FAH: variants seen among roughly 807,000 people sequenced by gnomAD.
FAH encodes fumarylacetoacetase.
FAH carries 47 observed loss-of-function variants against 55.8 expected under a neutral mutation model. The observed-to-expected ratio is 0.84, with a 90% CI of 0.67 to 1.07. FAH has a LOEUF of 1.07. Ranked by LOEUF, FAH falls within the 50% of genes least tolerant of loss-of-function variation. The pLI is 0.00. For synonymous variants in FAH, 199 were observed against 207.7 expected (o/e 0.96, Z 0.36); for missense variants, 495 against 545.9 (o/e 0.91, Z 0.93).
chr15:80,153,226 T>C (rs1475474839), intron 1 of FAH, 91 bp downstream of exon 1: 4 of 1,071,110 alleles, frequency 3.7e-6, no homozygotes, highest in Non-Finnish European at 5.7e-6. Context: ...TGGAGTGGAA[T>C]GAGGGGCGGG....
chr15:80,162,122 C>A, intron 4 of FAH, 124 bp from the exon 5 acceptor site: 1 of 788,088 alleles, frequency 1.3e-6, no homozygotes, highest in Non-Finnish European at 2.3e-6. Flanking sequence ...TTGCTGGCTG[C>A]AGGCTGAGCT....
intron 5 of FAH, among the ~76,000 whole-genome samples, chr15:80,165,151 G>A (rs1232350216): frequency 2.0e-5 from 3 of 152,220 alleles, no homozygotes; most frequent in Non-Finnish European, 4.4e-5. Context: ...CCAGCACTTT[G>A]GGAGGCTGAG....
At chr15:80,160,056 G>A in intron 3 of FAH, 179 bp downstream of exon 3, 1 of 885,782 alleles carries the variant, frequency 1.1e-6, no homozygotes. Flanking sequence ...GGAGGACTGG[G>A]ATTGCCTTGG....
chr15:80,172,867 C>T, intron 8 of FAH, 147 bp from the exon 9 acceptor site: 1 of 1,086,006 alleles, frequency 9.2e-7, no homozygotes, highest in Admixed American at 1.7e-5. Context: ...GCTCTTGCCC[C>T]TTTGTCCTGG....
chr15:80,174,897 G>T (rs963984540), intron 9 of FAH, 119 bp from the exon 10 acceptor site: 7 of 800,992 alleles, frequency 8.7e-6, no homozygotes, highest in East Asian at 2.4e-5. Flanking sequence ...TGCTCCTGCT[G>T]TCTCAGACCC....
At chr15:80,171,927 G>A (rs2041244333) in intron 7 of FAH, among the ~76,000 whole-genome samples, 1 of 152,202 alleles carries the variant, frequency 6.6e-6, no homozygotes, top group Non-Finnish European at 1.5e-5. Context: ...CAGGGGAGTG[G>A]AAGGAAGGCC....
chr15:80,178,052 TA>T (rs2041298620), intron 11 of FAH, among the ~76,000 whole-genome samples: 1 of 152,008 alleles, frequency 6.6e-6, no homozygotes, highest in Admixed American at 6.6e-5. Context: ...GTAAAAAAAT[TA>T]GCCGGGCGTG....
At chr15:80,177,415 C>T (rs2041292980) in intron 10 of FAH, 122 bp from the exon 11 acceptor site, 1 of 935,324 alleles carries the variant, frequency 1.1e-6, no homozygotes, top group Non-Finnish European at 1.7e-6. Flanking sequence ...AATTGTTTCA[C>T]AGACTCTAAG....
At chr15:80,186,390 G>A, downstream of FAH, 1 of 678,238 alleles carries the variant, frequency 1.5e-6, no homozygotes, top group Non-Finnish European at 2.7e-6. Context: ...TTGATCCAGT[G>A]GGTCAAGGTG....
chr15:80,180,938 G>T, intron 12 of FAH, 104 bp from the exon 13 acceptor site: 2 of 883,258 alleles, frequency 2.3e-6, no homozygotes, highest in Admixed American at 1.8e-5. Context: ...GGGCATGAGG[G>T]CCCCCTGCCA....
rs769303398 is a variant in FAH at position 80,173,115 on chromosome 15, A to C, written c.808A>C (p.Met270Leu). The change falls in exon 9 of 14, where the codon ATG becomes CTG. Residue 270 changes from methionine (M) to leucine (L), a missense_variant. Transcript: ENST00000561421. ...GTGGGTGGTGCCCATGGATGCTCTCATGCCCTTTGCTGTGCCCAACCCGAA... is the reference window on the plus strand; with the variant it reads ...GTGGGTGGTGCCCATGGATGCTCTCCTGCCCTTTGCTGTGCCCAACCCGAA... ...SPWVVPMDAL[M>L]PFAVPNPKQD... is the part of the protein sequence containing the mutation. 6.2e-7 allele frequency: 1 copy of C among 1,614,170 alleles called. No homozygotes were observed. The highest frequency in any genetic ancestry group is 8.5e-7 in the Non-Finnish European group (1 of 1,180,032).
At chr15:80,157,350 G>GAT in intron 1 of FAH, 1 of 154,296 alleles carries the variant, frequency 6.5e-6, no homozygotes, top group Non-Finnish European at 1.4e-5. Context: ...TGGAAGCCTG[G>GAT]CTCAGGACAG....
chr15:80,162,723 T>C (rs1450271277), intron 5 of FAH: 4 of 320,744 alleles, frequency 1.2e-5, no homozygotes, highest in Non-Finnish European at 2.4e-5. Context: ...CCCAGTGCTG[T>C]ATATTCCTCA....
At chr15:80,178,492 C>T (rs2866592) in intron 11 of FAH, among the ~76,000 whole-genome samples, 114,392 of 152,074 alleles carry the variant, frequency 0.75, 43,319 homozygotes, top group East Asian at 0.88. Context: ...AGTGTTAGAT[C>T]TGTGAGATTC....
chr15:80,162,484 C>A (rs1382016475), intron 5 of FAH, 148 bp downstream of exon 5: 7 of 740,386 alleles, frequency 9.5e-6, no homozygotes, highest in Non-Finnish European at 1.4e-5. Flanking sequence ...AAGCAGTGGT[C>A]TCAGCTTCTG....
chr15:80,180,060 C>A, intron 11 of FAH, 64 bp from the exon 12 acceptor site: 4 of 1,318,808 alleles, frequency 3.0e-6, no homozygotes, highest in Non-Finnish European at 4.3e-6. Context: ...CTGTGCCCAG[C>A]TGCCTCCGGG....
chr15:80,176,258 T>A (rs1039842166), intron 10 of FAH, among the ~76,000 whole-genome samples: 2 of 152,110 alleles, frequency 1.3e-5, no homozygotes, highest in Admixed American at 6.5e-5. Flanking sequence ...TTAGGTGGTC[T>A]ACCCACCTAG....
In FAH at chr15:80,168,278, T is replaced by C; in HGVS notation, c.568T>C (p.Tyr190His). The change falls in exon 7 of 14, where the codon TAT (tyrosine) becomes CAT (histidine). Residue 190 changes from tyrosine to histidine, a missense_variant. Tyr to His is a moderately conservative substitution (Grantham distance 83, BLOSUM62 2). Coordinates refer to ENST00000561421, the MANE Select transcript of FAH (RefSeq NM_000137.4). ...MKPDDSKPPVYGACKLLDMEL... is the reference protein window; with the variant it reads ...MKPDDSKPPVHGACKLLDMEL... ...TGTTATTCCAGCTAAGCCTCCCGTA[T>C]ATGGTGCCTGCAAGCTCTTGGACAT... is the stretch of plus-strand genomic sequence containing the variant. The C allele has an allele frequency of 1.2e-6, 2 of 1,610,696 alleles. No homozygotes were observed. The highest frequency in any genetic ancestry group is 1.7e-6 in the Non-Finnish European group (2 of 1,179,176).
At chr15:80,165,927 A>G (rs553833877) in intron 5 of FAH, 1 of 152,320 alleles carries the variant, frequency 6.6e-6, no homozygotes, top group African/African-American at 2.4e-5. Context: ...TTTGTATATC[A>G]TAAATATTAC....
Sources: allele counts gnomAD v4.1 joint callset (sites outside exome capture counted in the v4.1 genomes callset), GRCh38; gene constraint gnomAD v4.1.1; transcripts MANE v1.5; gene names NCBI Gene and HGNC (gene_info 2026-07-23, HGNC 2026-07-21).